Variants in GRID2 observed in about 807,000 individuals in gnomAD.
GRID2 encodes the protein glutamate ionotropic receptor delta type subunit 2.
GRID2 carries 33 observed loss-of-function variants against 114.8 expected under a neutral mutation model. The ratio of observed to expected loss-of-function variants is 0.29; its 90% confidence interval spans 0.22 to 0.38. GRID2 has a LOEUF of 0.38. Ranked by LOEUF, GRID2 falls within the 10% of genes least tolerant of loss-of-function variation. The pLI, the probability that GRID2 is intolerant of heterozygous loss-of-function variation, is 1.00. For missense variants in GRID2, 1,184 were observed against 1,257.7 expected, an observed-to-expected ratio of 0.94 and a Z score of 0.89; for synonymous variants, 505 against 449.9, an observed-to-expected ratio of 1.12 and a Z score of -1.55.
intron 1 of GRID2, among the ~76,000 whole-genome samples, chr4:92,440,710 C>T (rs1304452681): frequency 4.0e-5 from 6 of 151,792 alleles, no homozygotes; most frequent in African/African-American, 1.5e-4. Context: ...CCTGGTGGAA[C>T]CGCCATCAAT....
At chr4:92,866,183 C>T (rs1744849838) in intron 2 of GRID2, among the ~76,000 whole-genome samples, 1 of 152,164 alleles carries the variant, frequency 6.6e-6, no homozygotes, top group Non-Finnish European at 1.5e-5. Flanking sequence ...GTTGTCAGAA[C>T]TTCAGTAGGA....
intron 2 of GRID2, among the ~76,000 whole-genome samples, chr4:92,874,487 A>C (rs1472191563): frequency 2.6e-5 from 4 of 152,214 alleles, no homozygotes; most frequent in Admixed American, 6.5e-5. Context: ...ATAAGCAGTT[A>C]AGAAAAAATA....
intron 1 of GRID2, among the ~76,000 whole-genome samples, chr4:92,384,883 G>T (rs1729864906): frequency 6.6e-6 from 1 of 150,514 alleles, no homozygotes; most frequent in African/African-American, 2.4e-5. Flanking sequence ...AGGTGTTCCA[G>T]GATGGCCTTG....
chr4:93,770,149 T>C (rs1312550646), intron 15 of GRID2, among the ~76,000 whole-genome samples: 4 of 152,220 alleles, frequency 2.6e-5, no homozygotes, highest in Non-Finnish European at 5.9e-5. Flanking sequence ...ATGAGACTTA[T>C]AAATTAAAGA....
intron 13 of GRID2, among the ~76,000 whole-genome samples, chr4:93,594,489 G>A (rs1359825686): frequency 1.3e-5 from 2 of 152,126 alleles, no homozygotes; most frequent in East Asian, 3.9e-4. Flanking sequence ...AGTCTGCAGA[G>A]GTTACTGCTG....
At chr4:93,165,352 CAA>C (rs1042999559) in intron 4 of GRID2, among the ~76,000 whole-genome samples, 3 of 151,718 alleles carry the variant, frequency 2.0e-5, no homozygotes, top group African/African-American at 7.3e-5. Flanking sequence ...TAAATATAGC[CAA>C]AGTCAAGGTT....
chr4:92,894,444 G>A (rs1268880934), intron 2 of GRID2, among the ~76,000 whole-genome samples: 1 of 151,990 alleles, frequency 6.6e-6, no homozygotes, highest in Non-Finnish European at 1.5e-5. Flanking sequence ...TATAAGACAG[G>A]GGTTTTACAT....
At chr4:93,082,691 A>C (rs1729973508) in intron 2 of GRID2, among the ~76,000 whole-genome samples, 1 of 152,154 alleles carries the variant, frequency 6.6e-6, no homozygotes, top group African/African-American at 2.4e-5. Context: ...GCAATTTTTG[A>C]TTATTCCGAT....
chr4:92,875,995 T>C (rs1745601268), intron 2 of GRID2, among the ~76,000 whole-genome samples: 1 of 152,150 alleles, frequency 6.6e-6, no homozygotes, highest in Admixed American at 6.5e-5. Context: ...CCTGGAAACA[T>C]GTGGGACACT....
At chr4:92,968,717 A>G (rs1753313113) in intron 2 of GRID2, among the ~76,000 whole-genome samples, 1 of 151,778 alleles carries the variant, frequency 6.6e-6, no homozygotes, top group South Asian at 2.1e-4. Context: ...AAGGAACTTC[A>G]TGCCCATTAA....
intron 1 of GRID2, among the ~76,000 whole-genome samples, chr4:93,795,619 C>A (rs1012679867): frequency 1.3e-5 from 2 of 151,974 alleles, no homozygotes; most frequent in African/African-American, 4.8e-5. Flanking sequence ...TATTGTATTT[C>A]TTTAATAGAT....
At chr4:92,746,399 G>T (rs1318259578) in intron 2 of GRID2, among the ~76,000 whole-genome samples, 1 of 152,086 alleles carries the variant, frequency 6.6e-6, no homozygotes, top group African/African-American at 2.4e-5. Context: ...CCTATGATTA[G>T]TGGCCAAGAA....
intron 2 of GRID2, among the ~76,000 whole-genome samples, chr4:92,633,494 C>T (rs2149247790): frequency 6.6e-6 from 1 of 152,238 alleles, no homozygotes; most frequent in East Asian, 1.9e-4. Context: ...CATTCAACTA[C>T]ATATAACGAA....
intron 1 of GRID2, among the ~76,000 whole-genome samples, chr4:92,562,165 G>A (rs1441443882): frequency 6.6e-6 from 1 of 152,084 alleles, no homozygotes; most frequent in African/African-American, 2.4e-5. Context: ...CTTAATTTGT[G>A]AGTTCTGTCC....
chr4:92,720,038 A>G (rs1043275508), intron 2 of GRID2, among the ~76,000 whole-genome samples: 3 of 152,254 alleles, frequency 2.0e-5, no homozygotes, highest in East Asian at 1.9e-4. Context: ...ATAAATACAT[A>G]TATTAAGAAT....
At chr4:93,026,433 G>A (rs1208833794) in intron 2 of GRID2, among the ~76,000 whole-genome samples, 1 of 151,788 alleles carries the variant, frequency 6.6e-6, no homozygotes, top group Admixed American at 6.6e-5. Flanking sequence ...AAACAATTTT[G>A]TATCCTGAGC....
intron 8 of GRID2, among the ~76,000 whole-genome samples, chr4:93,360,997 T>A (rs1761831697): frequency 6.6e-6 from 1 of 152,216 alleles, no homozygotes; most frequent in Admixed American, 6.5e-5. Context: ...ACATTTTGCA[T>A]ATTGAATAAT....
intron 14 of GRID2, among the ~76,000 whole-genome samples, chr4:93,694,672 C>A (rs1411012195): frequency 1.3e-5 from 2 of 152,088 alleles, no homozygotes; most frequent in Admixed American, 6.6e-5. Flanking sequence ...CAAAATTTTT[C>A]TTTCTCCTCA....
intron 8 of GRID2, among the ~76,000 whole-genome samples, chr4:93,307,486 T>C (rs1755559277): frequency 6.6e-6 from 1 of 151,860 alleles, no homozygotes; most frequent in Admixed American, 6.6e-5. Flanking sequence ...TATTTTTAAA[T>C]TTTTTTTAGT....
Sources: gnomAD v4.1 joint callset for allele counts (sites outside exome capture counted in the v4.1 genomes callset) on GRCh38, gnomAD v4.1.1 for gene constraint, MANE v1.5 for transcripts, NCBI Gene and HGNC (gene_info 2026-07-23, HGNC 2026-07-21) for gene names.